The following EXOC6 variants were observed in gnomAD, a reference collection of about 807,000 sequenced individuals.
EXOC6 encodes the protein exocyst complex component 6.
Under a neutral mutation model 112.5 loss-of-function variants are expected in EXOC6, and 60 were observed. The observed-to-expected ratio is 0.53, with a 90% CI of 0.43 to 0.66. EXOC6 has a LOEUF of 0.66. Ranked by LOEUF, EXOC6 falls within the 30% of genes least tolerant of loss-of-function variation. The pLI is 0.00. For synonymous variants in EXOC6, 295 were observed against 308.0 expected, an observed-to-expected ratio of 0.96 and a Z score of 0.44; for missense variants, 855 against 957.1, an observed-to-expected ratio of 0.89 and a Z score of 1.41.
intron 20 of EXOC6, among the ~76,000 whole-genome samples, chr10:93,021,777 A>G (rs1397839424): frequency 2.0e-5 from 3 of 152,234 alleles, no homozygotes; most frequent in Non-Finnish European, 1.5e-5. Context: ...CAGCTTTAAG[A>G]GGAGATGATT....
chr10:93,040,281 A>G (rs1845697423), intron 20 of EXOC6, among the ~76,000 whole-genome samples: 3 of 151,842 alleles, frequency 2.0e-5, no homozygotes, highest in Admixed American at 6.6e-5. Context: ...ACGGAGTCTC[A>G]CTTGTTGCCC....
intron 9 of EXOC6, among the ~76,000 whole-genome samples, chr10:92,932,854 G>GA (rs1852124615): frequency 6.6e-6 from 1 of 152,020 alleles, no homozygotes; most frequent in Non-Finnish European, 1.5e-5. Context: ...GCAGCAATAA[G>GA]AAAAAATAAG....
chr10:92,896,087 A>ATATGTGTG (rs1849751669), intron 4 of EXOC6, among the ~76,000 whole-genome samples: 1 of 83,234 alleles, frequency 1.2e-5, no homozygotes, highest in African/African-American at 4.9e-5. Context: ...ATATGTGTAT[A>ATATGTGTG]TATATATGTG....
At chr10:92,908,104 C>T (rs766731474) in intron 5 of EXOC6, among the ~76,000 whole-genome samples, 11 of 146,656 alleles carry the variant, frequency 7.5e-5, no homozygotes, top group South Asian at 2.2e-4. Flanking sequence ...CTGTCACCCA[C>T]GCTGGAATGC....
chr10:92,877,004 G>A (rs1848711181), intron 1 of EXOC6, among the ~76,000 whole-genome samples: 1 of 152,170 alleles, frequency 6.6e-6, no homozygotes, highest in Non-Finnish European at 1.5e-5. Flanking sequence ...GTTTAATAGA[G>A]CAAGGCTAAT....
intron 19 of EXOC6, among the ~76,000 whole-genome samples, chr10:93,003,984 C>T (rs2134201291): frequency 6.6e-6 from 1 of 152,200 alleles, no homozygotes; most frequent in East Asian, 1.9e-4. Context: ...TAATTAGGAC[C>T]ATGACATGAT....
intron 9 of EXOC6, among the ~76,000 whole-genome samples, chr10:92,932,122 A>G (rs1852072086): frequency 6.6e-6 from 1 of 152,196 alleles, no homozygotes; most frequent in South Asian, 2.1e-4. Context: ...ACTCGGCACT[A>G]AAAGGGAATT....
upstream of EXOC6, chr10:92,831,220 G>C (rs898665004): frequency 7.7e-6 from 5 of 651,410 alleles, no homozygotes; most frequent in Non-Finnish European, 1.2e-5. Context: ...TGGGAGTAGA[G>C]GGAGGGTGGG....
chr10:92,909,363 A>T, intron 5 of EXOC6, 64 bp from the exon 6 acceptor site: 1 of 1,194,448 alleles, frequency 8.4e-7, no homozygotes, highest in Non-Finnish European at 1.2e-6. Flanking sequence ...GATTATTTAG[A>T]TTTACTTGTA....
Position 92,974,067 on chromosome 10 carries a change from A to G in EXOC6, c.1788A>G (p.Ala596=). 1 of 1,592,284 alleles carries G rather than the reference A, an allele frequency of 6.3e-7. No homozygotes were observed. Among genetic ancestry groups the G allele is most frequent in the South Asian group, 1.2e-5 (1 of 85,382 alleles). The change falls in exon 18 of 22, where the codon GCA becomes GCG. Residue 596 remains alanine (A), a synonymous_variant. Coordinates refer to ENST00000260762, the MANE Select transcript of EXOC6 (RefSeq NM_019053.6). ...GLSTFKDARH[A]AEGEIYTKLN... ...TCCCATGTCAGGATGCTCGACATGCAGCAGAAGGAGAAATATATACCAAAC... is the reference window on the plus strand; with the variant it reads ...TCCCATGTCAGGATGCTCGACATGCGGCAGAAGGAGAAATATATACCAAAC...
chr10:92,949,194 A>G (rs1853239965), intron 14 of EXOC6, among the ~76,000 whole-genome samples: 1 of 152,054 alleles, frequency 6.6e-6, no homozygotes, highest in Admixed American at 6.6e-5. Context: ...GTACCTTTCT[A>G]CATTTTTATC....
intron 8 of EXOC6, among the ~76,000 whole-genome samples, chr10:92,922,236 G>A (rs1461258703): frequency 2.0e-5 from 3 of 152,070 alleles, no homozygotes; most frequent in Admixed American, 6.6e-5. Context: ...ATGAGCCACC[G>A]TGGCCGGCCA....
At chr10:92,848,736 C>A in intron 1 of EXOC6, 102 bp downstream of exon 1, 2 of 971,952 alleles carry the variant, frequency 2.1e-6, no homozygotes, top group Non-Finnish European at 2.6e-6. Flanking sequence ...CGAAGCTCCC[C>A]GACAGGTGGT....
At chr10:92,997,740 C>CTG in intron 19 of EXOC6, 125 bp downstream of exon 19, 1 of 743,954 alleles carries the variant, frequency 1.3e-6, no homozygotes, top group Non-Finnish European at 1.9e-6. Flanking sequence ...AAACTTTTAG[C>CTG]AGCCTTAGGA....
At chr10:92,985,038 T>C (rs1341780427) in intron 18 of EXOC6, among the ~76,000 whole-genome samples, 1 of 150,956 alleles carries the variant, frequency 6.6e-6, no homozygotes, top group Non-Finnish European at 1.5e-5. Flanking sequence ...ACCTGAATTC[T>C]AAGAAACATC....
chr10:92,926,052 TA>T (rs146789374), intron 8 of EXOC6, among the ~76,000 whole-genome samples: 268 of 139,736 alleles, frequency 1.9e-3, no homozygotes, highest in African/African-American at 5.3e-3. Context: ...GTGGACTTTT[TA>T]AAAAAAAAAA....
intron 1 of EXOC6, among the ~76,000 whole-genome samples, chr10:92,858,049 A>T (rs367759507): frequency 7.9e-6 from 1 of 126,836 alleles, no homozygotes; most frequent in African/African-American, 3.0e-5. Flanking sequence ...CAGCAGTTTG[A>T]ATATGTCTTT....
At chr10:92,959,373 T>C (rs1279099891) in intron 17 of EXOC6, among the ~76,000 whole-genome samples, 1 of 152,170 alleles carries the variant, frequency 6.6e-6, no homozygotes, top group Non-Finnish European at 1.5e-5. Flanking sequence ...CAGATCTGTA[T>C]GTAAAATGCA....
intron 20 of EXOC6, among the ~76,000 whole-genome samples, chr10:93,051,010 A>G (rs983361945): frequency 1.3e-5 from 2 of 152,176 alleles, no homozygotes; most frequent in Admixed American, 1.3e-4. Context: ...AATTAATTTT[A>G]ATAAATTAAC....
Sources: allele counts gnomAD v4.1 joint callset (sites outside exome capture counted in the v4.1 genomes callset), GRCh38; gene constraint gnomAD v4.1.1; transcripts MANE v1.5; gene names NCBI Gene and HGNC (gene_info 2026-07-23, HGNC 2026-07-21).